The following BCKDHB variants were observed in gnomAD, a reference collection of about 807,000 sequenced individuals.
BCKDHB encodes 2-oxoisovalerate dehydrogenase subunit beta, mitochondrial.
In BCKDHB, 41 loss-of-function variants were observed where a neutral mutation model predicts 48.5. That is an observed-to-expected ratio of 0.85 (90% CI 0.66 to 1.10). The LOEUF (loss-of-function observed/expected upper bound fraction) is 1.10, where lower values mean the gene tolerates loss of function less well. Among genes scored for constraint, BCKDHB ranks in the 50% least tolerant of loss-of-function variants. The pLI is 0.00. For missense variants in BCKDHB, 496 were observed against 494.2 expected, an observed-to-expected ratio of 1.00 and a Z score of -0.03; for synonymous variants, 201 against 174.8, an observed-to-expected ratio of 1.15 and a Z score of -1.18.
intron 9 of BCKDHB, among the ~76,000 whole-genome samples, chr6:80,333,317 T>C (rs1305549776): frequency 6.6e-6 from 1 of 152,224 alleles, no homozygotes; most frequent in African/African-American, 2.4e-5. Context: ...TCTTTACTAC[T>C]ACATAAAGTT....
intron 6 of BCKDHB, among the ~76,000 whole-genome samples, chr6:80,191,283 C>T (rs1409890434): frequency 6.6e-6 from 1 of 152,114 alleles, no homozygotes; most frequent in East Asian, 1.9e-4. Flanking sequence ...GTATATCTTT[C>T]TTACCTGAAA....
chr6:80,439,298 T>A, the BCKDHB span, among the ~76,000 whole-genome samples: 3 of 152,138 alleles, frequency 2.0e-5, no homozygotes, highest in Non-Finnish European at 4.4e-5. Context: ...CCCAATGTCA[T>A]AGTAATATTC....
chr6:80,111,443 C>T (rs1437837307), intron 1 of BCKDHB, among the ~76,000 whole-genome samples: 1 of 152,174 alleles, frequency 6.6e-6, no homozygotes, highest in Non-Finnish European at 1.5e-5. Flanking sequence ...GTAACTGATG[C>T]TCTCGCATTT....
the BCKDHB span, among the ~76,000 whole-genome samples, chr6:80,364,424 G>A: frequency 6.6e-6 from 1 of 152,150 alleles, no homozygotes; most frequent in South Asian, 2.1e-4. Context: ...GGAGATCCAG[G>A]TCTATTTGTG....
chr6:80,307,772 CT>C (rs1233082189), intron 9 of BCKDHB: 8 of 984,338 alleles, frequency 8.1e-6, no homozygotes, highest in Non-Finnish European at 9.6e-6. Context: ...GAAGCACACA[CT>C]TCATAATGGA....
At chr6:80,342,754 AC>A (rs1169664952) in intron 9 of BCKDHB, among the ~76,000 whole-genome samples, 1 of 152,098 alleles carries the variant, frequency 6.6e-6, no homozygotes, top group Non-Finnish European at 1.5e-5. Flanking sequence ...GCACCACTGC[AC>A]TTCAGCCTGG....
At chr6:80,378,094 T>C in the BCKDHB span, among the ~76,000 whole-genome samples, 2 of 152,208 alleles carry the variant, frequency 1.3e-5, no homozygotes, top group South Asian at 2.1e-4. Flanking sequence ...ATAAAACTGT[T>C]TTTTACATTT....
chr6:80,351,645 C>CTTT, the BCKDHB span, among the ~76,000 whole-genome samples: 13 of 122,060 alleles, frequency 1.1e-4, no homozygotes, highest in South Asian at 8.2e-4. Context: ...TTTTTTTTTT[C>CTTT]TTTTTTTTTT....
At chr6:80,303,133 A>G (rs1192247009) in intron 9 of BCKDHB, among the ~76,000 whole-genome samples, 2 of 152,122 alleles carry the variant, frequency 1.3e-5, no homozygotes, top group Non-Finnish European at 2.9e-5. Context: ...TTTGTATTGT[A>G]TGGCTTCAGT....
At chr6:80,434,582 G>A in the BCKDHB span, among the ~76,000 whole-genome samples, 1 of 152,050 alleles carries the variant, frequency 6.6e-6, no homozygotes, top group South Asian at 2.1e-4. Context: ...TTCATTAAAG[G>A]TTGTTAAATT....
chr6:80,274,429 T>A (rs1204848061), intron 9 of BCKDHB, among the ~76,000 whole-genome samples: 1 of 151,974 alleles, frequency 6.6e-6, no homozygotes, highest in Non-Finnish European at 1.5e-5. Flanking sequence ...GAGTACCTAG[T>A]ATTTATTGTG....
chr6:80,463,448 A>G, the BCKDHB span, among the ~76,000 whole-genome samples: 49 of 152,330 alleles, frequency 3.2e-4, no homozygotes, highest in African/African-American at 1.2e-3. Context: ...TGTTGTCCTT[A>G]TAAGGTAGAT....
At chr6:80,231,640 A>G (rs1775928659) in intron 8 of BCKDHB, among the ~76,000 whole-genome samples, 1 of 152,210 alleles carries the variant, frequency 6.6e-6, no homozygotes, top group African/African-American at 2.4e-5. Context: ...TGCTGTTGGA[A>G]GGATTAAATC....
Position 80,195,519 on chromosome 6 carries a change from T to C in BCKDHB, c.743-5415T>C, listed in dbSNP as rs577779385. On this transcript the variant is annotated intron_variant, in intron 6 of 9. Transcript: ENST00000320393. Reference sequence around the variant, plus strand: ...ATAGAAATCCAATATTAGTTTATAGTTGATTATCAGTTTTATACAGAAAAT... The same window carrying C: ...ATAGAAATCCAATATTAGTTTATAGCTGATTATCAGTTTTATACAGAAAAT... 2.0e-5 allele frequency among the ~76,000 whole-genome samples: 3 copies of C among 152,296 alleles called. No homozygotes were observed. The East Asian group carries it at 5.8e-4, about 29-fold the overall frequency.
chr6:80,192,190 A>T (rs1023333501), intron 6 of BCKDHB, among the ~76,000 whole-genome samples: 1 of 152,102 alleles, frequency 6.6e-6, no homozygotes, highest in African/African-American at 2.4e-5. Context: ...TTTAATTAGC[A>T]GTTTTTTTTC....
the BCKDHB span, among the ~76,000 whole-genome samples, chr6:80,429,390 T>C: frequency 7.9e-5 from 12 of 152,190 alleles, no homozygotes; most frequent in Admixed American, 6.6e-5. Context: ...TTTATAATAG[T>C]TTTTTCCAAT....
the BCKDHB span, among the ~76,000 whole-genome samples, chr6:80,360,103 G>A: frequency 2.6e-5 from 4 of 152,144 alleles, no homozygotes; most frequent in Non-Finnish European, 5.9e-5. Flanking sequence ...CATTGGGGAG[G>A]AGGCTCACAT....
At chr6:80,208,779 G>T (rs971421618) in intron 8 of BCKDHB, among the ~76,000 whole-genome samples, 15 of 151,752 alleles carry the variant, frequency 9.9e-5, no homozygotes, top group African/African-American at 3.1e-4. Context: ...TAAATTTAAT[G>T]TTATTAACTC....
chr6:80,239,729 G>A (rs1191811741), intron 8 of BCKDHB, among the ~76,000 whole-genome samples: 3 of 152,186 alleles, frequency 2.0e-5, no homozygotes, highest in Non-Finnish European at 4.4e-5. Context: ...GGTTTTTATG[G>A]TTTTAGGTCT....
Sources: gnomAD v4.1 joint callset for allele counts (sites outside exome capture counted in the v4.1 genomes callset) on GRCh38, gnomAD v4.1.1 for gene constraint, MANE v1.5 for transcripts, NCBI Gene and HGNC (gene_info 2026-07-23, HGNC 2026-07-21) for gene names.